GOLIM4: variants seen among roughly 807,000 people sequenced by gnomAD.
The protein encoded by GOLIM4 is 130 kDa golgi-localized phosphoprotein.
A neutral mutation model predicts 107.4 loss-of-function variants in GOLIM4; 71 were observed. The ratio of observed to expected loss-of-function variants is 0.66; its 90% CI spans 0.55 to 0.81. The LOEUF (loss-of-function observed/expected upper bound fraction) is 0.81. GOLIM4 is among the 30% of genes least tolerant of loss of function. The pLI is 0.00. For synonymous variants in GOLIM4, 327 were observed against 294.8 expected, an observed-to-expected ratio of 1.11 and a Z score of -1.12; for missense variants, 830 against 826.1, an observed-to-expected ratio of 1.00 and a Z score of -0.06.
intron 1 of GOLIM4, among the ~76,000 whole-genome samples, chr3:168,073,474 T>C (rs1720932044): frequency 6.6e-6 from 1 of 152,206 alleles, no homozygotes; most frequent in Non-Finnish European, 1.5e-5. Context: ...TATCAAATAA[T>C]TGATTACCTA....
At chr3:168,035,001 G>A (rs574098618) in intron 8 of GOLIM4, among the ~76,000 whole-genome samples, 5 of 148,488 alleles carry the variant, frequency 3.4e-5, no homozygotes, top group South Asian at 2.1e-4. Context: ...GCATGAAAAC[G>A]GACTAACACA....
intron 1 of GOLIM4, among the ~76,000 whole-genome samples, chr3:168,060,949 G>T (rs1244663112): frequency 6.7e-6 from 1 of 149,446 alleles, no homozygotes; most frequent in Non-Finnish European, 1.5e-5. Context: ...CTTTGTATGT[G>T]TAGAAGATAG....
chr3:168,011,938 T>C (rs1717062988), intron 14 of GOLIM4, among the ~76,000 whole-genome samples: 1 of 146,748 alleles, frequency 6.8e-6, no homozygotes, highest in African/African-American at 2.7e-5. Context: ...ACCACAAAGA[T>C]GGGGAAAAAA....
At chr3:168,066,806 T>C (rs189586130) in intron 1 of GOLIM4, among the ~76,000 whole-genome samples, 2 of 152,274 alleles carry the variant, frequency 1.3e-5, no homozygotes, top group Admixed American at 1.3e-4. Context: ...TTATCTTACA[T>C]GCACAATGCT....
chr3:168,025,220 T>C (rs1717932048), intron 12 of GOLIM4, 125 bp from the exon 13 acceptor site: 1 of 696,964 alleles, frequency 1.4e-6, no homozygotes, highest in Non-Finnish European at 2.3e-6. Context: ...AGATCTATCC[T>C]TGCCAAGACT....
intron 14 of GOLIM4, among the ~76,000 whole-genome samples, chr3:168,017,715 G>A (rs972331272): frequency 1.3e-5 from 2 of 152,128 alleles, no homozygotes; most frequent in Non-Finnish European, 2.9e-5. Context: ...GAAATTTTAT[G>A]TATCTATTCT....
At chr3:168,019,816 GTAAGGCTAAGGT>G (rs1717584071) in intron 14 of GOLIM4, among the ~76,000 whole-genome samples, 1 of 152,106 alleles carries the variant, frequency 6.6e-6, no homozygotes, top group African/African-American at 2.4e-5. Flanking sequence ...CCCACTTTTA[GTAAGGCTAAGGT>G]TGGCCAGTGA....
intron 1 of GOLIM4, among the ~76,000 whole-genome samples, chr3:168,056,709 G>T (rs1407837941): frequency 6.6e-6 from 1 of 152,186 alleles, no homozygotes. Context: ...GGTCTTGCGT[G>T]GGGCCCCCAG....
In GOLIM4 at chr3:168,029,960, A is replaced by G. The variant is rs766988543; in HGVS notation, c.1253T>C (p.Val418Ala). ...CTGCTGGGCCTCCTCCACCTGCTGC[A>G]CTGCCAGTCTCTGCTGTTCCAACTG... ...EEQLEQQRLA[V>A]QQVEEAQQLR... The change falls in exon 10 of 16, where the codon GTG (valine) becomes GCG (alanine). Residue 418 changes from valine to alanine, a missense_variant. By Grantham distance (64) the Val-to-Ala change is moderately conservative. Coordinates refer to ENST00000470487, the MANE Select transcript of GOLIM4 (RefSeq NM_014498.5). 51 of 1,614,028 alleles carry G rather than the reference A, an allele frequency of 3.2e-5. No individual in the cohort carries two copies. The highest frequency in any genetic ancestry group is 4.2e-5 in the Non-Finnish European group (49 of 1,180,002).
intron 9 of GOLIM4, 42 bp from the exon 10 acceptor site, chr3:168,030,078 T>C: frequency 6.3e-7 from 1 of 1,584,038 alleles, no homozygotes; most frequent in Non-Finnish European, 8.6e-7. Context: ...AGGGGTTAGC[T>C]CCTCTGGGTT....
intron 1 of GOLIM4, among the ~76,000 whole-genome samples, chr3:168,066,344 T>C (rs1244150482): frequency 6.6e-6 from 1 of 152,176 alleles, no homozygotes; most frequent in African/African-American, 2.4e-5. Context: ...GAGTAGCTGA[T>C]GTTTATTATT....
chr3:168,011,333 G>A (rs181240866), intron 14 of GOLIM4, among the ~76,000 whole-genome samples: 7 of 152,314 alleles, frequency 4.6e-5, no homozygotes, highest in African/African-American at 1.2e-4. Flanking sequence ...GCGCTTTTCC[G>A]ACGGGATTAA....
At chr3:168,073,237 A>G (rs1720921768) in intron 1 of GOLIM4, among the ~76,000 whole-genome samples, 1 of 152,196 alleles carries the variant, frequency 6.6e-6, no homozygotes, top group African/African-American at 2.4e-5. Flanking sequence ...TTCCTTACCA[A>G]TAGGACTTCT....
intron 1 of GOLIM4, among the ~76,000 whole-genome samples, chr3:168,050,858 AAT>A (rs1719597485): frequency 7.7e-6 from 1 of 129,732 alleles, no homozygotes; most frequent in African/African-American, 2.7e-5. Flanking sequence ...TAATAATAAT[AAT>A]AATAATAATA....
chr3:168,034,445 G>C, intron 8 of GOLIM4, among the ~76,000 whole-genome samples: 1 of 152,250 alleles, frequency 6.6e-6, no homozygotes, highest in East Asian at 1.9e-4. Flanking sequence ...ATTAACATAA[G>C]AGCCTGAGAA....
chr3:168,088,767 G>C (rs1721751925), intron 1 of GOLIM4, among the ~76,000 whole-genome samples: 3 of 152,152 alleles, frequency 2.0e-5, no homozygotes, highest in African/African-American at 7.2e-5. Flanking sequence ...TATTTAGTCA[G>C]TATTCATTTC....
At chr3:168,078,419 T>C (rs1246596171) in intron 1 of GOLIM4, among the ~76,000 whole-genome samples, 1 of 152,170 alleles carries the variant, frequency 6.6e-6, no homozygotes, top group Non-Finnish European at 1.5e-5. Flanking sequence ...GAGAAAACAA[T>C]GTATGTAATA....
At chr3:168,067,002 C>T (rs1228211911) in intron 1 of GOLIM4, among the ~76,000 whole-genome samples, 1 of 151,950 alleles carries the variant, frequency 6.6e-6, no homozygotes, top group Non-Finnish European at 1.5e-5. Context: ...CTTTTAAATC[C>T]TTTATACAAC....
In GOLIM4 at chr3:168,016,040, T is replaced by C. The variant is rs1340597352; in HGVS notation, c.1861-5217A>G. 2.2e-5 allele frequency among the ~76,000 whole-genome samples: 3 copies of C among 133,556 alleles called. 1 individual carries two copies. Among genetic ancestry groups the C allele is most frequent in the Admixed American group, 1.4e-4 (2 of 14,178 alleles). 87.6% of individuals were successfully genotyped at this position (133,556 alleles called of 152,430 possible). A position where few individuals can be genotyped will look rare whatever the true frequency, so the allele number is the denominator to read the frequency against. On this transcript the variant is annotated intron_variant, in intron 14 of 15. Coordinates refer to ENST00000470487, the MANE Select transcript of GOLIM4 (RefSeq NM_014498.5). ...GGCAACAAAAGACAAAATTGACAAA[T>C]GGGATCTAATTAAACTAAAGAGCTT...
Sources: allele counts gnomAD v4.1 joint callset (sites outside exome capture counted in the v4.1 genomes callset), GRCh38; gene constraint gnomAD v4.1.1; transcripts MANE v1.5; gene names NCBI Gene and HGNC (gene_info 2026-07-23, HGNC 2026-07-21).